CDK14: variants seen among roughly 807,000 people sequenced by gnomAD.
CDK14 encodes cyclin-dependent kinase 14.
A neutral mutation model predicts 60.7 loss-of-function variants in CDK14; 34 were observed. The observed-to-expected ratio is 0.56, with a 90% CI of 0.43 to 0.75. The LOEUF is 0.75. CDK14 is among the 30% of genes least tolerant of loss of function. The pLI, the probability that CDK14 is intolerant of heterozygous loss-of-function variation, is 0.00. For missense variants in CDK14, 482 were observed against 564.1 expected, an observed-to-expected ratio of 0.85 and a Z score of 1.47; for synonymous variants, 197 against 203.7, an observed-to-expected ratio of 0.97 and a Z score of 0.28.
chr7:90,902,162 A>G (rs906730471), intron 7 of CDK14, among the ~76,000 whole-genome samples: 1 of 152,060 alleles, frequency 6.6e-6, no homozygotes, highest in East Asian at 1.9e-4. Flanking sequence ...TTATTAAAAT[A>G]CCATTCTACC....
At chr7:90,858,765 A>G (rs926241652) in intron 5 of CDK14, among the ~76,000 whole-genome samples, 8 of 152,184 alleles carry the variant, frequency 5.3e-5, no homozygotes, top group African/African-American at 1.9e-4. Flanking sequence ...AGAAGCAAGT[A>G]TCACTTTTAA....
chr7:90,638,420 G>A (rs1226924837), intron 2 of CDK14, among the ~76,000 whole-genome samples: 3 of 152,252 alleles, frequency 2.0e-5, no homozygotes, highest in Middle Eastern at 3.4e-3. Flanking sequence ...GAAATTCTGG[G>A]TTGAAAATTT....
intron 11 of CDK14, among the ~76,000 whole-genome samples, chr7:91,067,101 C>G (rs1033141097): frequency 4.6e-5 from 7 of 152,130 alleles, no homozygotes; most frequent in Admixed American, 4.6e-4. Context: ...TACTCAAATA[C>G]TCTTGATAAA....
At chr7:91,140,308 A>G (rs1046729699) in intron 14 of CDK14, among the ~76,000 whole-genome samples, 7 of 152,210 alleles carry the variant, frequency 4.6e-5, no homozygotes, top group African/African-American at 1.7e-4. Flanking sequence ...TAAATTTAAG[A>G]GGTGCTTTTT....
intron 14 of CDK14, among the ~76,000 whole-genome samples, chr7:91,135,346 G>T (rs1330798698): frequency 6.6e-6 from 1 of 152,102 alleles, no homozygotes; most frequent in Non-Finnish European, 1.5e-5. Context: ...AATATGCAGG[G>T]AATAGTTAAT....
chr7:90,985,968 GA>G (rs1251042501), intron 10 of CDK14, among the ~76,000 whole-genome samples: 1 of 151,604 alleles, frequency 6.6e-6, no homozygotes, highest in Non-Finnish European at 1.5e-5. Context: ...GTGTCAAAAT[GA>G]AAAAAAGCTG....
chr7:91,012,153 G>C (rs1315809604), intron 10 of CDK14, among the ~76,000 whole-genome samples: 1 of 152,138 alleles, frequency 6.6e-6, no homozygotes, highest in African/African-American at 2.4e-5. Context: ...TATCAAAGCT[G>C]CTGCATTTAG....
At chr7:90,660,484 T>G (rs139360428) in intron 2 of CDK14, among the ~76,000 whole-genome samples, 2 of 152,366 alleles carry the variant, frequency 1.3e-5, no homozygotes, top group East Asian at 3.9e-4. Flanking sequence ...AGCTCTATAC[T>G]CGGTACCTGA....
chr7:90,687,266 C>G (rs1182794194), intron 2 of CDK14, among the ~76,000 whole-genome samples: 2 of 151,930 alleles, frequency 1.3e-5, no homozygotes, highest in Non-Finnish European at 2.9e-5. Flanking sequence ...TTTTCTTAAA[C>G]CTAAAAAATC....
intron 10 of CDK14, among the ~76,000 whole-genome samples, chr7:91,006,428 A>G (rs886304110): frequency 6.6e-6 from 1 of 152,260 alleles, no homozygotes; most frequent in Non-Finnish European, 1.5e-5. Context: ...AACATTACAC[A>G]TAACTCCTGG....
rs17648 is a variant in CDK14 at position 91,210,402 on chromosome 7, T to C, written c.*3266T>C. On this transcript the variant is annotated 3_prime_UTR_variant, in exon 15 of 15. Coordinates refer to ENST00000380050, the MANE Select transcript of CDK14 (RefSeq NM_001287135.2). ...TAACAGGGGATTGGTACCTAAGAAA[T>C]GTGGTAGCATTATTCAGAAAACTAT... 23,131 of 152,468 alleles carry C rather than the reference T, an allele frequency of 0.15. 2,225 individuals are homozygous for C. Among genetic ancestry groups the C allele is most frequent in the East Asian group, 0.28 (1,454 of 5,178 alleles). The allele number at this position is 152,468 out of a possible 1,614,324, so 9.4% of individuals were successfully genotyped here.
chr7:90,652,215 T>G (rs957137680), intron 2 of CDK14, among the ~76,000 whole-genome samples: 2 of 152,232 alleles, frequency 1.3e-5, no homozygotes, highest in Non-Finnish European at 2.9e-5. Flanking sequence ...TTGTGTATAT[T>G]AAAATTTGAA....
chr7:90,888,591 C>T (rs1792024157), intron 6 of CDK14, among the ~76,000 whole-genome samples: 1 of 152,142 alleles, frequency 6.6e-6, no homozygotes, highest in Admixed American at 6.6e-5. Flanking sequence ...ATTCATGTTG[C>T]TTTCACCCTG....
At chr7:91,078,737 A>G (rs888628486) in intron 11 of CDK14, among the ~76,000 whole-genome samples, 6 of 152,248 alleles carry the variant, frequency 3.9e-5, no homozygotes, top group African/African-American at 1.2e-4. Context: ...ATATGTTCGT[A>G]CATAAGGATG....
chr7:90,716,490 A>G (rs1584815860), intron 2 of CDK14: 1 of 152,068 alleles, frequency 6.6e-6, no homozygotes, highest in African/African-American at 2.4e-5. Flanking sequence ...CAGCAAAACA[A>G]TGTTCCTATA....
intron 10 of CDK14, among the ~76,000 whole-genome samples, chr7:91,015,606 C>T (rs1346673217): frequency 7.3e-6 from 1 of 137,588 alleles, no homozygotes; most frequent in Admixed American, 8.0e-5. Flanking sequence ...CGGCTCACTG[C>T]AAGCTCCGCC....
intron 5 of CDK14, among the ~76,000 whole-genome samples, chr7:90,820,345 C>T (rs1201214034): frequency 1.3e-5 from 2 of 152,044 alleles, no homozygotes; most frequent in African/African-American, 4.8e-5. Flanking sequence ...GTGTCCCTAC[C>T]CAAATCTCAT....
chr7:90,707,820 A>G (rs935970471), intron 2 of CDK14, among the ~76,000 whole-genome samples: 7 of 152,122 alleles, frequency 4.6e-5, no homozygotes, highest in African/African-American at 1.7e-4. Flanking sequence ...CCTAAGGAAT[A>G]TTATTTATAC....
At chr7:90,783,742 A>G (rs781586464) in intron 4 of CDK14, among the ~76,000 whole-genome samples, 3 of 152,224 alleles carry the variant, frequency 2.0e-5, no homozygotes, top group East Asian at 1.9e-4. Context: ...ATCTCACCCC[A>G]GTTAAAATGG....
Sources: gnomAD v4.1 joint callset for allele counts (sites outside exome capture counted in the v4.1 genomes callset) on GRCh38, gnomAD v4.1.1 for gene constraint, MANE v1.5 for transcripts, NCBI Gene and HGNC (gene_info 2026-07-23, HGNC 2026-07-21) for gene names.